Variants in COPA observed in about 807,000 individuals in gnomAD.
COPA encodes coatomer subunit alpha.
Under a neutral mutation model 158.7 loss-of-function variants are expected in COPA, and 10 were observed. That is an observed-to-expected ratio of 0.06 (90% CI 0.04 to 0.11). The LOEUF (loss-of-function observed/expected upper bound fraction) is 0.11, where lower values mean the gene tolerates loss of function less well. COPA is among the 10% of genes least tolerant of loss of function. The pLI, the probability that COPA is intolerant of heterozygous loss-of-function variation, is 1.00. For synonymous variants in COPA, 462 were observed against 542.8 expected (o/e 0.85, Z 2.07); for missense variants, 1,065 against 1,536.7 (o/e 0.69, Z 5.13).
intron 5 of COPA, 135 bp from the exon 6 acceptor site, chr1:160,332,692 A>C: frequency 1.9e-6 from 1 of 521,742 alleles, no homozygotes; most frequent in Admixed American, 3.6e-5. Context: ...TCATCCTACC[A>C]ATTCTGAACT....
At chr1:160,303,167 C>G (rs938208467) in intron 17 of COPA, among the ~76,000 whole-genome samples, 1 of 152,122 alleles carries the variant, frequency 6.6e-6, no homozygotes, top group African/African-American at 2.4e-5. Context: ...CCACTGTACT[C>G]CAGCCTGGGC....
At position 160,290,050 on chromosome 1, in the gene COPA, C is replaced by T. The variant is rs531161196; in HGVS notation, c.*107G>A. On this transcript the variant is annotated 3_prime_UTR_variant, in exon 33 of 33. Transcript: ENST00000241704. ...ATACTAGGTTTTAGGGTACAGAGAGCCAGATCTGAAGAGTAGCTGCAGGGG... is the reference window on the plus strand; with the variant it reads ...ATACTAGGTTTTAGGGTACAGAGAGTCAGATCTGAAGAGTAGCTGCAGGGG... 1.3e-3 allele frequency: 1,279 copies of T among 1,021,322 alleles called. 1 individual carries two copies. Among genetic ancestry groups the T allele is most frequent in the Non-Finnish European group, 1.5e-3 (1,008 of 668,644 alleles). 63.3% of individuals were successfully genotyped at this position (1,021,322 alleles called of 1,614,324 possible). A position where few individuals can be genotyped will look rare whatever the true frequency, so the allele number is the denominator to read the frequency against.
At chr1:160,298,594 T>C (rs1007885385) in intron 19 of COPA, among the ~76,000 whole-genome samples, 1 of 152,194 alleles carries the variant, frequency 6.6e-6, no homozygotes, top group African/African-American at 2.4e-5. Flanking sequence ...CATCTTGCTT[T>C]TATCCTAGAA....
rs144262564 is a variant in COPA, at chr1:160,292,540, T to G, written c.2904A>C (p.Thr968=). 7.7e-4 allele frequency: 1,248 copies of G among 1,614,028 alleles called. 11 individuals are homozygous for G. Among genetic ancestry groups the G allele is most frequent in the Middle Eastern group, 5.8e-3 (35 of 6,062 alleles). The change falls in exon 28 of 33, where the codon ACA becomes ACC. Residue 968 remains threonine (T), a synonymous_variant. Transcript: ENST00000241704. ...GTAGGCAGGGCAGAGCCTGATAGGT[T>G]GTGCGGCCTCGGGCGTATGTCTGTA... The part of the protein sequence containing the change: ...LFLQTYARGR[T]TYQALPCLPS...
At chr1:160,327,682 AC>A (rs1647314416) in intron 6 of COPA, among the ~76,000 whole-genome samples, 1 of 151,828 alleles carries the variant, frequency 6.6e-6, no homozygotes, top group Non-Finnish European at 1.5e-5. Context: ...AAATGGTGAA[AC>A]CCTGTCTCTA....
At chr1:160,309,817 T>A (rs1448471194) in intron 12 of COPA, among the ~76,000 whole-genome samples, 1 of 151,138 alleles carries the variant, frequency 6.6e-6, no homozygotes, top group Non-Finnish European at 1.5e-5. Context: ...CCAACCCCAC[T>A]GATATGAACT....
chr1:160,292,177 A>G lies in COPA; in HGVS notation c.2982T>C (p.Asn994=), dbSNP rs543428672. Reference sequence around the variant, plus strand: ...GCTTCAGGCCCACAGCTGGTACACCATTCTTCAGCCCTGCATCCTTCCTGG... The same window carrying G: ...GCTTCAGGCCCACAGCTGGTACACCGTTCTTCAGCCCTGCATCCTTCCTGG... The part of the protein sequence containing the change: ...NRNWKDAGLK[N]GVPAVGLKLN... The change falls in exon 29 of 33, where the codon AAT becomes AAC. Residue 994 remains asparagine, a synonymous_variant. Coordinates refer to ENST00000241704, the MANE Select transcript of COPA (RefSeq NM_004371.4). 6.2e-7 allele frequency: 1 copy of G among 1,613,284 alleles called. No homozygotes were observed. The highest frequency in any genetic ancestry group is 1.3e-5 in the African/African-American group (1 of 75,034).
In COPA at chr1:160,292,166, G is replaced by A. The variant is rs761919408; in HGVS notation, c.2993C>T (p.Ala998Val). ...KDAGLKNGVP[A>V]VGLKLNDLIQ... ...GAGGTCATTAAGCTTCAGGCCCACAGCTGGTACACCATTCTTCAGCCCTGC... is the reference window on the plus strand; with the variant it reads ...GAGGTCATTAAGCTTCAGGCCCACAACTGGTACACCATTCTTCAGCCCTGC... Residue 998 changes from alanine to valine, a missense_variant, in exon 29 of 33, where the codon GCT (alanine) becomes GTT (valine). Physicochemically the swap from Ala to Val is moderately conservative, Grantham distance 64. Transcript: ENST00000241704. The A allele has an allele frequency of 8.1e-6, 13 of 1,613,478 alleles. No individual in the cohort carries two copies. Among genetic ancestry groups the A allele is most frequent in the South Asian group, 1.1e-5 (1 of 91,048 alleles).
At chr1:160,326,133 TG>T (rs1261694456) in intron 6 of COPA, 1 of 159,242 alleles carries the variant, frequency 6.3e-6, no homozygotes, top group African/African-American at 2.4e-5. Flanking sequence ...GTAGTGAGAA[TG>T]GGGAAAAGAG....
intron 22 of COPA, 83 bp from the exon 23 acceptor site, chr1:160,295,942 A>T: frequency 6.3e-7 from 1 of 1,579,566 alleles, no homozygotes; most frequent in South Asian, 1.2e-5. Context: ...CTTTGATCTC[A>T]TTTGTTTCTC....
chr1:160,317,239 T>C (rs76706349), intron 8 of COPA, among the ~76,000 whole-genome samples: 4,476 of 152,278 alleles, frequency 0.029, 217 homozygotes, highest in African/African-American at 0.1. Context: ...TAAAAGTAGT[T>C]CTTCGATCTG....
chr1:160,336,827 G>A (rs1647785153), intron 3 of COPA, among the ~76,000 whole-genome samples: 1 of 151,918 alleles, frequency 6.6e-6, no homozygotes, highest in Admixed American at 6.6e-5. Context: ...CCTATAACAA[G>A]TCCAGACAAT....
In COPA at chr1:160,332,448, C is replaced by T. The variant is rs745804176; in HGVS notation, c.496G>A (p.Gly166Ser). ...TGTCCTCTGAACTTGGGCAGCTCAC[C>T]AGAAATATCCCAAACGCGCACAGTC... is the stretch of plus-strand genomic sequence containing the variant. ...DQTVRVWDIS[G>S]LRKKNLSPGA... is the part of the protein sequence containing the mutation. The change falls in exon 6 of 33, where the codon GGT (glycine) becomes AGT (serine). Residue 166 changes from glycine (G) to serine (S), a missense_variant and splice_region_variant. By Grantham distance (56) the Gly-to-Ser change is moderately conservative (BLOSUM62 0). Around this residue, in one of 2 missense-constraint regions of COPA, gnomAD observed 980 missense variants for 1,357.8 expected, o/e 0.72. Transcript: ENST00000241704. 6.2e-7 allele frequency: 1 copy of T among 1,606,398 alleles called. No individual in the cohort carries two copies. Among genetic ancestry groups the T allele is most frequent in the South Asian group, 1.1e-5 (1 of 89,132 alleles).
intron 4 of COPA, among the ~76,000 whole-genome samples, chr1:160,334,665 A>G (rs1450792726): frequency 6.6e-6 from 1 of 152,238 alleles, no homozygotes; most frequent in African/African-American, 2.4e-5. Context: ...ATGCTAATAC[A>G]CAGAACTATA....
chr1:160,307,065 C>G (rs1371797225), intron 14 of COPA, 98 bp downstream of exon 14: 3 of 1,199,318 alleles, frequency 2.5e-6, no homozygotes, highest in Non-Finnish European at 3.7e-6. Context: ...CACGGCTGCC[C>G]GGGGGAGAAC....
intron 8 of COPA, among the ~76,000 whole-genome samples, chr1:160,320,396 G>A (rs183847222): frequency 1.3e-5 from 2 of 151,950 alleles, no homozygotes; most frequent in African/African-American, 4.8e-5. Context: ...GATCACTTGA[G>A]GTCAGGAGTT....
intron 8 of COPA, among the ~76,000 whole-genome samples, chr1:160,320,067 A>C (rs1295259658): frequency 2.6e-5 from 4 of 152,136 alleles, no homozygotes; most frequent in Non-Finnish European, 5.9e-5. Flanking sequence ...ACTAAAAAAA[A>C]TACAGACTAT....
intron 24 of COPA, 80 bp from the exon 25 acceptor site, chr1:160,294,673 C>G: frequency 3.1e-6 from 5 of 1,593,170 alleles, no homozygotes. Context: ...AATCCTAGTT[C>G]GTTTCATGGC....
At position 160,332,512 on chromosome 1, in the gene COPA, G is replaced by A. The variant is rs148703024; in HGVS notation, c.432C>T (p.His144=). ...CTGATACTACCAAGTCTTCTGTGGG[G>A]TGGAACTGAGCACACATCACATAAT... is the stretch of plus-strand genomic sequence containing the variant. ...HNHYVMCAQF[H]PTEDLVVSAS... is the part of the protein sequence containing the mutation. Residue 144 remains histidine (H), a synonymous_variant, in exon 6 of 33, where the codon CAC becomes CAT. Transcript: ENST00000241704. 8.9e-5 allele frequency: 143 copies of A among 1,613,752 alleles called. 1 individual carries two copies. The African/African-American group carries it at 1.4e-3, about 16-fold the overall frequency.
Sources: gnomAD v4.1 joint callset for allele counts (sites outside exome capture counted in the v4.1 genomes callset) on GRCh38, gnomAD v4.1.1 for gene constraint, gnomAD v4.1.1 regional missense constraint, MANE v1.5 for transcripts, NCBI Gene and HGNC (gene_info 2026-07-23, HGNC 2026-07-21) for gene names.